The following ITGA11 variants were observed in gnomAD, a reference collection of about 807,000 sequenced individuals.
The protein encoded by ITGA11 is integrin alpha-11.
A neutral mutation model predicts 141.9 loss-of-function variants in ITGA11; 97 were observed. The ratio of observed to expected loss-of-function variants is 0.68; its 90% confidence interval spans 0.58 to 0.81. The LOEUF (loss-of-function observed/expected upper bound fraction) is 0.81. Among genes scored for constraint, ITGA11 ranks in the 30% least tolerant of loss-of-function variants. The pLI, the probability that ITGA11 is intolerant of heterozygous loss-of-function variation, is 0.00. For synonymous variants in ITGA11, 658 were observed against 624.6 expected, an observed-to-expected ratio of 1.05 and a Z score of -0.80; for missense variants, 1,387 against 1,559.2, an observed-to-expected ratio of 0.89 and a Z score of 1.86.
At chr15:68,320,462 G>A in intron 19 of ITGA11, 70 bp from the exon 20 acceptor site, 1 of 1,373,160 alleles carries the variant, frequency 7.3e-7, no homozygotes, top group South Asian at 1.3e-5. Flanking sequence ...GGAGCCCCAG[G>A]GTTGGGGCAA....
chr15:68,401,316 T>G (rs899884422), intron 2 of ITGA11, among the ~76,000 whole-genome samples: 15 of 152,022 alleles, frequency 9.9e-5, no homozygotes, highest in African/African-American at 3.1e-4. Context: ...ACTAAAAAGT[T>G]AAACATAACT....
intron 14 of ITGA11, among the ~76,000 whole-genome samples, chr15:68,331,392 G>T (rs557028396): frequency 1.3e-5 from 2 of 152,248 alleles, no homozygotes; most frequent in South Asian, 4.1e-4. Context: ...TCTCACGCTG[G>T]TCTATTTTTT....
chr15:68,364,892 G>A (rs1253537587), intron 3 of ITGA11, 94 bp from the exon 4 acceptor site: 70 of 1,196,614 alleles, frequency 5.8e-5, no homozygotes, highest in Non-Finnish European at 7.3e-5. Context: ...GTGCCTCCCC[G>A]ATTCTCCCTG....
intron 5 of ITGA11, among the ~76,000 whole-genome samples, chr15:68,360,605 A>C (rs1247738397): frequency 6.6e-6 from 1 of 152,140 alleles, no homozygotes; most frequent in African/African-American, 2.4e-5. Context: ...CCAGGTGAGG[A>C]GGCCTCCACC....
At position 68,321,423 on chromosome 15, in the gene ITGA11, C is replaced by G. The variant is rs758601232; in HGVS notation, c.2403G>C (p.Thr801=). The G allele has an allele frequency of 1.3e-6, 2 of 1,579,212 alleles. No homozygotes were observed. Among genetic ancestry groups the G allele is most frequent in the South Asian group, 2.3e-5 (2 of 86,890 alleles). Residue 801 remains threonine, a synonymous_variant, in exon 19 of 30, where the codon ACG becomes ACC. Transcript: ENST00000315757. The surrounding 1 kb of genome is among the most constrained non-coding windows in gnomAD (Gnocchi z 4.9). ...GGTGGAAGGAGCCAACTCACATGGC[C>G]GTGGGCAGGTCACTCCGGGCATCCA... is the stretch of plus-strand genomic sequence containing the variant. The part of the protein sequence containing the change: ...LVLDARSDLP[T]AMEYCQRVLR...
intron 4 of ITGA11, 40 bp downstream of exon 4, chr15:68,364,667 C>G (rs1205445283): frequency 1.4e-6 from 2 of 1,428,162 alleles, no homozygotes; most frequent in African/African-American, 2.8e-5. Flanking sequence ...ACCCCCACCC[C>G]TGCCTCTCCT....
rs1555447278 is a variant in ITGA11 at position 68,327,756 on chromosome 15, G to GTCCGCCTCTTCC, written c.2068+339_2068+340insGGAAGAGGCGGA. 1.9e-4 allele frequency among the ~76,000 whole-genome samples: 29 copies of GTCCGCCTCTTCC among 151,848 alleles called. No homozygotes were observed. In the South Asian group the frequency reaches 5.8e-3, roughly 31 times the overall value. On this transcript the variant is annotated intron_variant, in intron 16 of 29. Transcript: ENST00000315757. Reference sequence around the variant, plus strand: ...AGCACCCCCCCTGTAGGACTCCTGGGTCTGCATCCAGGCAGACTTCTGGGC... The same window carrying GTCCGCCTCTTCC: ...AGCACCCCCCCTGTAGGACTCCTGGGTCCGCCTCTTCCTCTGCATCCAGGCAGACTTCTGGGC...
intron 4 of ITGA11, 60 bp downstream of exon 4, chr15:68,364,647 A>ACCCCAACCCC: frequency 1.1e-6 from 1 of 904,832 alleles, no homozygotes. Context: ...GAGACGCTCC[A>ACCCCAACCCC]CCCCTCCCCA....
intron 1 of ITGA11, among the ~76,000 whole-genome samples, chr15:68,431,558 A>T (rs947949480): frequency 5.3e-5 from 8 of 151,958 alleles, no homozygotes; most frequent in African/African-American, 1.9e-4. Flanking sequence ...GGCTCTCCAA[A>T]CTTTGAGATG....
At chr15:68,421,886 G>A (rs1897026600) in intron 1 of ITGA11, among the ~76,000 whole-genome samples, 1 of 152,056 alleles carries the variant, frequency 6.6e-6, no homozygotes, top group African/African-American at 2.4e-5. Flanking sequence ...ACATGTTCAG[G>A]ACGATGGTAG....
At chr15:68,341,466 G>C (rs918488153) in intron 10 of ITGA11, among the ~76,000 whole-genome samples, 1 of 152,254 alleles carries the variant, frequency 6.6e-6, no homozygotes, top group African/African-American at 2.4e-5. Context: ...TTGAGGTTCA[G>C]AGGGGGAAGG....
At chr15:68,416,398 C>T (rs1896887352) in intron 1 of ITGA11, among the ~76,000 whole-genome samples, 1 of 152,154 alleles carries the variant, frequency 6.6e-6, no homozygotes, top group African/African-American at 2.4e-5. Context: ...GACAGGGAGA[C>T]AGAGAACGAG....
chr15:68,317,620 G>A (rs1358739025), intron 20 of ITGA11, among the ~76,000 whole-genome samples: 1 of 152,048 alleles, frequency 6.6e-6, no homozygotes, highest in African/African-American at 2.4e-5. Context: ...GATGGCGGGG[G>A]CTCATGTATG....
chr15:68,317,778 T>C (rs1893644315), intron 20 of ITGA11, among the ~76,000 whole-genome samples: 1 of 152,204 alleles, frequency 6.6e-6, no homozygotes, highest in South Asian at 2.1e-4. Flanking sequence ...GCTACAGTTA[T>C]GATGATTATT....
chr15:68,404,566 C>T (rs1236895825), intron 1 of ITGA11, among the ~76,000 whole-genome samples: 1 of 152,124 alleles, frequency 6.6e-6, no homozygotes, highest in African/African-American at 2.4e-5. Context: ...GTCACAGGAC[C>T]TTGGAGAATG....
chr15:68,404,166 G>A (rs546960231), intron 1 of ITGA11, among the ~76,000 whole-genome samples: 2 of 148,816 alleles, frequency 1.3e-5, no homozygotes, highest in South Asian at 2.2e-4. Flanking sequence ...CTTCATTACC[G>A]CCTCCCCTAT....
chr15:68,386,026 T>G (rs1414020118), intron 2 of ITGA11, among the ~76,000 whole-genome samples: 1 of 151,986 alleles, frequency 6.6e-6, no homozygotes, highest in African/African-American at 2.4e-5. Context: ...CTCTGAGAAT[T>G]GGGGTCTTCT....
chr15:68,357,882 T>A (rs1895119244), intron 6 of ITGA11, among the ~76,000 whole-genome samples: 1 of 152,194 alleles, frequency 6.6e-6, no homozygotes, highest in African/African-American at 2.4e-5. Flanking sequence ...AAGATGATCT[T>A]CTGGTGATGG....
At chr15:68,355,283 T>G (rs1001493257) in intron 7 of ITGA11, among the ~76,000 whole-genome samples, 5 of 152,204 alleles carry the variant, frequency 3.3e-5, no homozygotes, top group Non-Finnish European at 7.3e-5. Context: ...GACAGCCACC[T>G]TCACATGGAG....
Sources: gnomAD v4.1 joint callset for allele counts (sites outside exome capture counted in the v4.1 genomes callset) on GRCh38, gnomAD v4.1.1 for gene constraint, Gnocchi (gnomAD v3.1) non-coding constraint, MANE v1.5 for transcripts, NCBI Gene and HGNC (gene_info 2026-07-23, HGNC 2026-07-21) for gene names.